Variants in NEURL3 observed in about 807,000 individuals in gnomAD.
NEURL3 encodes neuralized E3 ubiquitin protein ligase 3, also known as E3 ubiquitin-protein ligase NEURL3.
In NEURL3, 19 loss-of-function variants were observed where a neutral mutation model predicts 17.6. The observed-to-expected ratio is 1.08, with a 90% CI of 0.75 to 1.58. The LOEUF (loss-of-function observed/expected upper bound fraction) is 1.58, where lower values mean the gene tolerates loss of function less well. Ranked by LOEUF, NEURL3 falls within the 40% of genes most tolerant of loss-of-function variation. The probability of loss-of-function intolerance (pLI) is 0.00; values close to 1 mark genes in which losing one functional copy is unlikely to be tolerated. For missense variants in NEURL3, 342 were observed against 379.6 expected (o/e 0.90, Z 0.82); for synonymous variants, 180 against 161.4 (o/e 1.11, Z -0.87).
Position 96,500,267 on chromosome 2 carries a change from C to T in NEURL3, c.514+172G>A, listed in dbSNP as rs780878790. On this transcript the variant is annotated intron_variant, in intron 2 of 3. Transcript: ENST00000451794. The stretch of plus-strand genomic sequence containing the variant: ...AGGGACAAGACTGCCCTCCCTACGA[C>T]TGAGCCTTGTCTATCTGGCGTCTCC... The T allele has an allele frequency of 4.4e-6, 4 of 915,492 alleles. No homozygotes were observed. In the Admixed American group the frequency reaches 7.4e-5, roughly 17 times the overall value. The allele number at this position is 915,492 out of a possible 1,614,324, so 56.7% of individuals were successfully genotyped here.
chr2:96,500,643 G>T lies in NEURL3; in HGVS notation c.310C>A (p.Gln104Lys). ...AGCACGGCCGCCCACGTCGGGCTCT[G>T]CTCCTCCAGGTCGGGGCACAGGAAG... ...PPFLCPDLEE[Q>K]SPTWAAVLPE... The change falls in exon 2 of 4, where the codon CAG (glutamine) becomes AAG (lysine). Residue 104 changes from glutamine to lysine, a missense_variant. Coordinates refer to ENST00000451794, the MANE Select transcript of NEURL3 (RefSeq NM_001285485.2). The T allele has an allele frequency of 6.6e-7, 1 of 1,519,178 alleles. No individual in the cohort carries two copies. Among genetic ancestry groups the T allele is most frequent in the Non-Finnish European group, 8.8e-7 (1 of 1,140,272 alleles). 94.1% of individuals were successfully genotyped at this position (1,519,178 alleles called of 1,614,324 possible).
chr2:96,501,847 T>C (rs1170470989), intron 1 of NEURL3, among the ~76,000 whole-genome samples: 1 of 152,088 alleles, frequency 6.6e-6, no homozygotes, highest in African/African-American at 2.4e-5. Flanking sequence ...GGCTGGCTGT[T>C]TGCTGTTGAA....
intron 2 of NEURL3, chr2:96,500,224 A>G: frequency 1.6e-6 from 1 of 611,780 alleles, no homozygotes; most frequent in Non-Finnish European, 2.8e-6. Flanking sequence ...TGCTGGTCCT[A>G]TCTGCTTATC....
Position 96,500,931 on chromosome 2 carries a change from G to C in NEURL3, c.29-7C>G. The C allele has an allele frequency of 6.4e-7, 1 of 1,553,530 alleles. No individual in the cohort carries two copies. Among genetic ancestry groups the C allele is most frequent in the Non-Finnish European group, 8.6e-7 (1 of 1,158,738 alleles). On this transcript the variant is annotated splice_polypyrimidine_tract_variant and splice_region_variant and intron_variant, in intron 1 of 3. Transcript: ENST00000451794. Reference sequence around the variant, plus strand: ...TCTCGGGGCGCCTTGGCGTCTGTGGGTTGAGGATGGGGAGTGTCAGTGCTA... The same window carrying C: ...TCTCGGGGCGCCTTGGCGTCTGTGGCTTGAGGATGGGGAGTGTCAGTGCTA...
At chr2:96,506,037 C>A (rs1276666310), upstream of NEURL3, among the ~76,000 whole-genome samples, 1 of 152,198 alleles carries the variant, frequency 6.6e-6, no homozygotes, top group Non-Finnish European at 1.5e-5. Context: ...CAAAGGTATT[C>A]TAGCCCGTCA....
At chr2:96,502,628 A>G (rs1221088622) in intron 1 of NEURL3, among the ~76,000 whole-genome samples, 1 of 152,372 alleles carries the variant, frequency 6.6e-6, no homozygotes, top group East Asian at 1.9e-4. Flanking sequence ...ACCAGCCACA[A>G]TCTAGGAGGG....
upstream of NEURL3, among the ~76,000 whole-genome samples, chr2:96,505,990 G>C (rs76037051): frequency 1.4e-4 from 22 of 152,334 alleles, no homozygotes; most frequent in East Asian, 4.2e-3. Flanking sequence ...TCACTGCAAA[G>C]GTCTAGCTCC....
rs758416355 is a variant in NEURL3, at chr2:96,500,393, C to T, written c.514+46G>A. The T allele has an allele frequency of 8.8e-6, 14 of 1,592,680 alleles. No homozygotes were observed. The East Asian group carries it at 1.6e-4, about 18-fold the overall frequency. The stretch of plus-strand genomic sequence containing the variant: ...GGATCGGTGTGGGGTGCCACTGGAG[C>T]CCCCATCTCCCCACCTCCCCTGCGG... On this transcript the variant is annotated intron_variant, in intron 2 of 3. Coordinates refer to ENST00000451794, the MANE Select transcript of NEURL3 (RefSeq NM_001285485.2).
intron 1 of NEURL3, among the ~76,000 whole-genome samples, chr2:96,503,641 G>A (rs888284663): frequency 2.2e-4 from 33 of 152,278 alleles, no homozygotes; most frequent in East Asian, 3.9e-4. Context: ...CCACAGGACC[G>A]TGTCCACCGA....
At chr2:96,505,232 C>A (rs370089071) in intron 1 of NEURL3, 27 bp downstream of exon 1, 2 of 1,598,966 alleles carry the variant, frequency 1.3e-6, no homozygotes, top group Non-Finnish European at 1.7e-6. Context: ...AGAGACCAAG[C>A]TCCAGGCTTG....
chr2:96,506,382 T>C (rs1252322109), upstream of NEURL3, among the ~76,000 whole-genome samples: 5 of 152,188 alleles, frequency 3.3e-5, no homozygotes, highest in Non-Finnish European at 5.9e-5. Context: ...ATATTTCTGA[T>C]ATTGTGAAGA....
chr2:96,499,756 G>A (rs2065482025), intron 2 of NEURL3, among the ~76,000 whole-genome samples: 1 of 152,130 alleles, frequency 6.6e-6, no homozygotes, highest in Admixed American at 6.5e-5. Flanking sequence ...CAACCCAGAT[G>A]GGCATCAACA....
chr2:96,500,005 C>T (rs1016320114), intron 2 of NEURL3: 2 of 199,212 alleles, frequency 1.0e-5, no homozygotes, highest in Non-Finnish European at 2.0e-5. Flanking sequence ...AGGGATGGCT[C>T]TCTTTTCCCC....
chr2:96,499,534 C>T (rs899462429), intron 2 of NEURL3, 85 bp from the exon 3 acceptor site: 13 of 1,250,892 alleles, frequency 1.0e-5, no homozygotes, highest in Admixed American at 7.1e-5. Context: ...GCAAAGTGTC[C>T]GGTCTCCTTT....
chr2:96,500,171 A>G lies in NEURL3; in HGVS notation c.514+268T>C, dbSNP rs1573155540. ...CAAATGTTTCTTCCTTTGTAAAAGGAGATGGACACTCTAACAGGTGTTTGA... is the reference window on the plus strand; with the variant it reads ...CAAATGTTTCTTCCTTTGTAAAAGGGGATGGACACTCTAACAGGTGTTTGA... On this transcript the variant is annotated intron_variant, in intron 2 of 3. Transcript: ENST00000451794. The G allele has an allele frequency of 1.2e-5, 6 of 510,134 alleles. No homozygotes were observed. The East Asian group carries it at 2.2e-4, about 19-fold the overall frequency. 31.6% of individuals were successfully genotyped at this position (510,134 alleles called of 1,614,324 possible). A position where few individuals can be genotyped will look rare whatever the true frequency, so the allele number is the denominator to read the frequency against.
upstream of NEURL3, among the ~76,000 whole-genome samples, chr2:96,507,209 C>T (rs1284162086): frequency 6.6e-6 from 1 of 151,820 alleles, no homozygotes; most frequent in Non-Finnish European, 1.5e-5. Context: ...TTACCCCTTC[C>T]CCCTTTAGCC....
chr2:96,503,908 C>G (rs2065535603), intron 1 of NEURL3, among the ~76,000 whole-genome samples: 1 of 152,224 alleles, frequency 6.6e-6, no homozygotes, highest in Non-Finnish European at 1.5e-5. Context: ...GGTGCCCAAG[C>G]ACCCTCACAC....
rs773070202 is a variant in NEURL3, at chr2:96,498,357, A to G, written c.676T>C (p.Cys226Arg). 1 of 1,599,462 alleles carries G rather than the reference A, an allele frequency of 6.3e-7. No individual in the cohort carries two copies. Among genetic ancestry groups the G allele is most frequent in the Non-Finnish European group, 8.5e-7 (1 of 1,179,784 alleles). Residue 226 changes from cysteine to arginine, a missense_variant, in exon 4 of 4, where the codon TGT (cysteine) becomes CGT (arginine). Transcript: ENST00000451794. The surrounding 1 kb of genome is among the most constrained non-coding windows in gnomAD (Gnocchi z 4.4). ...PCGHTYFCRY[C>R]AWRVFSDTAK... is the part of the protein sequence containing the mutation. ...GTATCGCTGAAGACCCGCCAGGCAC[A>G]GTATCTGCAGAAGTATGTGTGGCCG...
At chr2:96,500,991 C>T in intron 1 of NEURL3, 67 bp from the exon 2 acceptor site, 1 of 1,425,964 alleles carries the variant, frequency 7.0e-7, no homozygotes, top group Non-Finnish European at 9.1e-7. Flanking sequence ...CCAGAGAGCC[C>T]CCAGTATCCC....
Sources: gnomAD v4.1 joint callset for allele counts (sites outside exome capture counted in the v4.1 genomes callset) on GRCh38, gnomAD v4.1.1 for gene constraint, Gnocchi (gnomAD v3.1) non-coding constraint, MANE v1.5 for transcripts, NCBI Gene and HGNC (gene_info 2026-07-23, HGNC 2026-07-21) for gene names.